WDR45: variants seen among roughly 807,000 people sequenced by gnomAD.
WDR45 encodes WD repeat domain 45, also known as WD repeat domain phosphoinositide-interacting protein 4.
In WDR45, 2 loss-of-function variants were observed where a neutral mutation model predicts 27.3. The observed-to-expected ratio is 0.07, with a 90% CI of 0.03 to 0.23. The LOEUF (loss-of-function observed/expected upper bound fraction) is 0.23. Ranked by LOEUF, WDR45 falls within the 10% of genes least tolerant of loss-of-function variation. WDR45 has a pLI of 1.00. For missense variants in WDR45, 175 were observed against 311.9 expected, an observed-to-expected ratio of 0.56 and a Z score of 3.31; for synonymous variants, 99 against 119.2, an observed-to-expected ratio of 0.83 and a Z score of 1.11.
chrX:49,097,280 T>TG (rs1481162632), intron 2 of WDR45, among the ~76,000 whole-genome samples: 3 of 110,334 alleles, frequency 2.7e-5, no homozygotes, highest in Non-Finnish European at 5.7e-5. Flanking sequence ...TTATTTGAGA[T>TG]GGAGTTTCAC....
chrX:49,096,990 G>A (rs1330526216), intron 2 of WDR45, among the ~76,000 whole-genome samples: 2 of 111,230 alleles, frequency 1.8e-5, no homozygotes, highest in African/African-American at 3.3e-5. Context: ...CGCCCACCTC[G>A]GTCTCCCAAT....
At chrX:49,075,023 C>G in intron 10 of WDR45, 111 bp from the exon 11 acceptor site, 1 of 1,141,910 alleles carries the variant, frequency 8.8e-7, no homozygotes, top group Non-Finnish European at 1.2e-6. Context: ...CCAGTGCTGT[C>G]CCCCTTACTG....
chrX:49,097,718 G>A (rs1056445860), intron 2 of WDR45, among the ~76,000 whole-genome samples: 1 of 107,809 alleles, frequency 9.3e-6, no homozygotes, highest in Admixed American at 1.0e-4. Flanking sequence ...GTACAATGGC[G>A]CAATCTCGGC....
At chrX:49,077,075 C>T in intron 4 of WDR45, 1 of 269,950 alleles carries the variant, frequency 3.7e-6, no homozygotes, top group Non-Finnish European at 6.6e-6. Flanking sequence ...ATTTCTGCCT[C>T]CAGGGTCCTA....
In WDR45 at chrX:49,074,489, C is replaced by T. The variant is rs1045839; in HGVS notation, c.*314G>A. On this transcript the variant is annotated 3_prime_UTR_variant, in exon 11 of 11. Transcript: ENST00000376372. ...GTATTCATCACATCGGAGATCATCT[C>T]TTCCTAGGAAGCTTTTAAAAAATCC... 2.8e-6 allele frequency: 1 copy of T among 360,819 alleles called. No individual in the cohort carries two copies. The highest frequency in any genetic ancestry group is 5.2e-5 in the Admixed American group (1 of 19,296). 29.7% of individuals were successfully genotyped at this position (360,819 alleles called of 1,213,427 possible).
At chrX:49,088,667 C>T (rs1268293338) in intron 2 of WDR45, among the ~76,000 whole-genome samples, 1 of 112,066 alleles carries the variant, frequency 8.9e-6, no homozygotes, top group Non-Finnish European at 1.9e-5. Context: ...AGTGGCCACA[C>T]ACAACAAAGA....
chrX:49,095,405 CCA>C (rs1458004131), intron 2 of WDR45, among the ~76,000 whole-genome samples: 1 of 108,781 alleles, frequency 9.2e-6, no homozygotes, highest in Admixed American at 1.0e-4. Context: ...CTTTGGGAGG[CCA>C]AGGCGGGCGA....
upstream of WDR45, among the ~76,000 whole-genome samples, chrX:49,080,851 T>TA (rs34761775): frequency 0.077 from 7,900 of 103,055 alleles, 1,102 homozygotes; most frequent in African/African-American, 0.28. Flanking sequence ...ATAAAGCTTT[T>TA]AAAAAAAGGC....
chrX:49,087,339 C>T (rs1331137621), intron 2 of WDR45, among the ~76,000 whole-genome samples: 11 of 109,152 alleles, frequency 1.0e-4, no homozygotes, highest in Admixed American at 8.9e-4. Context: ...GCCTGGGCAA[C>T]AAGAGCAAAA....
At chrX:49,096,307 T>C (rs1304444320) in intron 2 of WDR45, among the ~76,000 whole-genome samples, 2 of 110,730 alleles carry the variant, frequency 1.8e-5, no homozygotes, top group African/African-American at 6.6e-5. Context: ...CATGGCTCAT[T>C]GCAGTCTCAA....
At chrX:49,097,100 T>G (rs1557087415) in intron 2 of WDR45, among the ~76,000 whole-genome samples, 1 of 88,979 alleles carries the variant, frequency 1.1e-5, no homozygotes, top group East Asian at 1.2e-3. Context: ...CTATATACAT[T>G]GAAGCACTTT....
At chrX:49,091,781 A>G (rs1557086693) in intron 2 of WDR45, among the ~76,000 whole-genome samples, 2 of 103,624 alleles carry the variant, frequency 1.9e-5, no homozygotes, top group Non-Finnish European at 3.9e-5. Flanking sequence ...AAAAAAAAAA[A>G]AAAAGAAGGA....
chrX:49,080,402 C>T (rs1037214325), upstream of WDR45: 3 of 111,730 alleles, frequency 2.7e-5, no homozygotes, highest in East Asian at 8.5e-4. Context: ...CCCACCCTGT[C>T]CCCCCAACCC....
At chrX:49,087,186 C>T (rs782017266) in intron 2 of WDR45, among the ~76,000 whole-genome samples, 1 of 108,650 alleles carries the variant, frequency 9.2e-6, no homozygotes, top group East Asian at 2.9e-4. Flanking sequence ...GGTGAAAGCC[C>T]GTCTTTACTA....
intron 4 of WDR45, chrX:49,077,296 G>T: frequency 7.5e-6 from 2 of 266,229 alleles, no homozygotes; most frequent in South Asian, 6.6e-5. Context: ...AACTGCACTG[G>T]GCCTCAGTTT....
At chrX:49,076,186 C>T (rs1557084195) in intron 6 of WDR45, 9 of 464,212 alleles carry the variant, frequency 1.9e-5, no homozygotes, top group South Asian at 6.6e-5. Context: ...CCCTGACACA[C>T]CCACCCATGT....
chrX:49,093,972 G>A (rs1338993657), intron 2 of WDR45, among the ~76,000 whole-genome samples: 2 of 109,730 alleles, frequency 1.8e-5, no homozygotes, highest in African/African-American at 6.6e-5. Flanking sequence ...ATCCCCAGTA[G>A]CTGGAATTAC....
chrX:49,076,139 T>C, intron 6 of WDR45, 194 bp from the exon 7 acceptor site: 1 of 469,357 alleles, frequency 2.1e-6, no homozygotes, highest in Non-Finnish European at 3.7e-6. Flanking sequence ...CTGTGGAATC[T>C]AGTAAGCTGC....
intron 2 of WDR45, 27 bp downstream of exon 2, chrX:49,078,014 A>G (rs782061913): frequency 1.4e-5 from 17 of 1,210,527 alleles, no homozygotes; most frequent in South Asian, 1.8e-5. Context: ...TTCCTCCCAC[A>G]AGGGTACAGG....
Sources: gnomAD v4.1 joint callset for allele counts (sites outside exome capture counted in the v4.1 genomes callset) on GRCh38, gnomAD v4.1.1 for gene constraint, MANE v1.5 for transcripts, NCBI Gene and HGNC (gene_info 2026-07-23, HGNC 2026-07-21) for gene names.